Variants in UTP20 observed in about 807,000 individuals in gnomAD.
The protein encoded by UTP20 is small subunit processome component 20 homolog.
Under a neutral mutation model 329.5 loss-of-function variants are expected in UTP20, and 164 were observed. That is an observed-to-expected ratio of 0.50 (90% confidence interval 0.44 to 0.57). UTP20 has a LOEUF of 0.57. UTP20 is among the 20% of genes least tolerant of loss of function. UTP20 has a pLI of 0.00. For missense variants in UTP20, 3,055 were observed against 3,284.2 expected, an observed-to-expected ratio of 0.93 and a Z score of 1.71; for synonymous variants, 1,151 against 1,159.3, an observed-to-expected ratio of 0.99 and a Z score of 0.14.
chr12:101,385,900 T>C, intron 61 of UTP20, 68 bp from the exon 62 acceptor site: 1 of 1,460,286 alleles, frequency 6.8e-7, no homozygotes. Flanking sequence ...CATTTATTTC[T>C]GTATTTGATT....
Position 101,299,755 on chromosome 12 carries a change from T to A in UTP20, c.1504T>A (p.Ser502Thr). 1 of 1,613,498 alleles carries A rather than the reference T, an allele frequency of 6.2e-7. No homozygotes were observed. Among genetic ancestry groups the A allele is most frequent in the African/African-American group, 1.3e-5 (1 of 75,022 alleles). Residue 502 changes from serine to threonine, a missense_variant, in exon 13 of 62, where the codon TCT (serine) becomes ACT (threonine). Physicochemically the swap from Ser to Thr is moderately conservative, Grantham distance 58. Coordinates refer to ENST00000261637, the MANE Select transcript of UTP20 (RefSeq NM_014503.3). Reference protein sequence around the residue: ...EQFPVLDHLLSIIKLPPNKDT... With the variant: ...EQFPVLDHLLTIIKLPPNKDT... ...GTTTCCAGTATTGGACCATCTTTTA[T>A]CTATAATTAAGTTACCCCCAAATAA...
intron 44 of UTP20, among the ~76,000 whole-genome samples, chr12:101,363,307 T>C (rs1869987734): frequency 6.6e-6 from 1 of 152,224 alleles, no homozygotes; most frequent in African/African-American, 2.4e-5. Flanking sequence ...AGTCATACAA[T>C]TATATATGTA....
intron 15 of UTP20, 37 bp from the exon 16 acceptor site, chr12:101,305,869 CTGGGTTATA>C (rs1872631422): frequency 2.0e-6 from 3 of 1,484,040 alleles, no homozygotes; most frequent in South Asian, 2.8e-5. Context: ...TCTAGATACT[CTGGGTTATA>C]TGGTACAGTT....
At chr12:101,368,874 C>T (rs573086538) in intron 48 of UTP20, among the ~76,000 whole-genome samples, 4 of 152,142 alleles carry the variant, frequency 2.6e-5, no homozygotes, top group South Asian at 2.1e-4. Context: ...AAGGTCTTTC[C>T]GACTCCCAAG....
Position 101,306,689 on chromosome 12 carries a change from C to T in UTP20, c.1933-10C>T, listed in dbSNP as rs1444625604. 6.3e-7 allele frequency: 1 copy of T among 1,597,498 alleles called. No homozygotes were observed. Among genetic ancestry groups the T allele is most frequent in the Non-Finnish European group, 8.5e-7 (1 of 1,172,536 alleles). On this transcript the variant is annotated splice_polypyrimidine_tract_variant and intron_variant, in intron 16 of 61. Transcript: ENST00000261637. ...TTTGGAATTTGAAAGATGCCTTTTACTTTCTCCAGATTCGGCTTTTGACAA... is the reference window on the plus strand; with the variant it reads ...TTTGGAATTTGAAAGATGCCTTTTATTTTCTCCAGATTCGGCTTTTGACAA...
rs148762467 is a variant in UTP20 at position 101,327,521 on chromosome 12, G to A, written c.3208+274G>A. Among the ~76,000 whole-genome samples, 69 of 152,238 alleles carry A rather than the reference G, an allele frequency of 4.5e-4. 1 individual carries two copies. Among genetic ancestry groups the A allele is most frequent in the African/African-American group, 1.7e-3 (69 of 41,544 alleles). On this transcript the variant is annotated intron_variant, in intron 26 of 61. Coordinates refer to ENST00000261637, the MANE Select transcript of UTP20 (RefSeq NM_014503.3). The stretch of plus-strand genomic sequence containing the variant: ...GCATATTTAGGCCATTTGAAAAATG[G>A]TTATTACTTACCCATATAATACAAA...
Position 101,295,651 on chromosome 12 carries a change from ATGG to A in UTP20, c.1427_1429del (p.Val476del), listed in dbSNP as rs780531646. 10 of 1,601,994 alleles carry A rather than the reference ATGG, an allele frequency of 6.2e-6. No homozygotes were observed. Among genetic ancestry groups the A allele is most frequent in the Non-Finnish European group, 6.8e-6 (8 of 1,172,096 alleles). On this transcript the variant is annotated inframe_deletion, in exon 12 of 62. Coordinates refer to ENST00000261637, the MANE Select transcript of UTP20 (RefSeq NM_014503.3). ...GTACCCTCTGGTTTTCTCACCGCAG[ATGG>A]TGGGGTGAGTTCTAACTTTTTATTC...
chr12:101,344,571 C>T (rs745380225), intron 35 of UTP20, 24 bp from the exon 36 acceptor site: 1 of 893,568 alleles, frequency 1.1e-6, no homozygotes, highest in East Asian at 2.4e-5. Flanking sequence ...AGAATAATTT[C>T]TTTTTTATTT....
At chr12:101,297,961 A>AC in intron 12 of UTP20, among the ~76,000 whole-genome samples, 1 of 152,136 alleles carries the variant, frequency 6.6e-6, no homozygotes, top group East Asian at 1.9e-4. Context: ...CCCCTCTGCC[A>AC]CCCCCAACGG....
chr12:101,336,019 C>T (rs547436329), intron 29 of UTP20, among the ~76,000 whole-genome samples: 3 of 152,268 alleles, frequency 2.0e-5, no homozygotes, highest in East Asian at 1.9e-4. Flanking sequence ...TCATTGGGTC[C>T]TTATTGAAGG....
At position 101,338,848 on chromosome 12, in the gene UTP20, C is replaced by T; in HGVS notation, c.3904C>T (p.His1302Tyr). Residue 1302 changes from histidine (H) to tyrosine (Y), a missense_variant, in exon 31 of 62, where the codon CAT (histidine) becomes TAT (tyrosine). This residue lies in a region of UTP20 where 2,445 missense variants were observed against 2,575.5 expected (regional missense o/e 0.95). Coordinates refer to ENST00000261637, the MANE Select transcript of UTP20 (RefSeq NM_014503.3). ...AATAGGAGGAAGATTAATTCTACCT[C>T]ATGTACCTGCAATTCTTCAGTATCT... Reference protein sequence around the residue: ...ITIGGRLILPHVPAILQYLSK... With the variant: ...ITIGGRLILPYVPAILQYLSK... The T allele has an allele frequency of 6.2e-7, 1 of 1,611,250 alleles. No individual in the cohort carries two copies. The highest frequency in any genetic ancestry group is 8.5e-7 in the Non-Finnish European group (1 of 1,179,268).
intron 37 of UTP20, 138 bp from the exon 38 acceptor site, chr12:101,346,313 G>T: frequency 1.0e-6 from 1 of 990,912 alleles, no homozygotes. Context: ...GGCCTCCCGA[G>T]TGCTAGGATT....
Position 101,327,171 on chromosome 12 carries a change from C to G in UTP20, c.3132C>G (p.Phe1044Leu). Residue 1044 changes from phenylalanine to leucine, a missense_variant, in exon 26 of 62, where the codon TTC becomes TTG. Coordinates refer to ENST00000261637, the MANE Select transcript of UTP20 (RefSeq NM_014503.3). ...SGTRMAIVLR[F>L]LAGTQPEEIQ... is the part of the protein sequence containing the mutation. Reference sequence around the variant, plus strand: ...CCCGCATGGCCATTGTCCTGCGGTTCCTGGCCGGGACCCAACCTGAGGAGA... The same window carrying G: ...CCCGCATGGCCATTGTCCTGCGGTTGCTGGCCGGGACCCAACCTGAGGAGA... The G allele has an allele frequency of 6.2e-7, 1 of 1,613,124 alleles. No homozygotes were observed. The highest frequency in any genetic ancestry group is 1.1e-5 in the South Asian group (1 of 91,032).
At chr12:101,286,029 AC>A in intron 4 of UTP20, 148 bp downstream of exon 4, 1 of 1,173,342 alleles carries the variant, frequency 8.5e-7, no homozygotes, top group Non-Finnish European at 1.2e-6. Flanking sequence ...TAAGTGCATT[AC>A]CATAAAGTGG....
At position 101,356,867 on chromosome 12, in the gene UTP20, T is replaced by G. The variant is rs1437090312; in HGVS notation, c.5535-59T>G. 4 of 1,546,714 alleles carry G rather than the reference T, an allele frequency of 2.6e-6. No homozygotes were observed. In the Admixed American group the frequency reaches 7.7e-5, roughly 30 times the overall value. On this transcript the variant is annotated intron_variant, in intron 42 of 61. Transcript: ENST00000261637. ...AGTAATTAAGAGACTAAAGGATATG[T>G]GTATGTTTAATTGCTTCTGTTTATT...
chr12:101,360,820 C>T lies in UTP20; in HGVS notation c.5692-1142C>T, dbSNP rs543070607. On this transcript the variant is annotated intron_variant, in intron 43 of 61. Coordinates refer to ENST00000261637, the MANE Select transcript of UTP20 (RefSeq NM_014503.3). ...CTCCAGCCTGGGTGACAGAGCAAGACTCTGCCTCCAAAAAAATAAAAGACC... is the reference window on the plus strand; with the variant it reads ...CTCCAGCCTGGGTGACAGAGCAAGATTCTGCCTCCAAAAAAATAAAAGACC... 5.9e-5 allele frequency among the ~76,000 whole-genome samples: 9 copies of T among 152,238 alleles called. No homozygotes were observed. The South Asian group carries it at 1.9e-3, about 32-fold the overall frequency.
At chr12:101,378,823 A>T (rs898685173) in intron 56 of UTP20, among the ~76,000 whole-genome samples, 3 of 152,062 alleles carry the variant, frequency 2.0e-5, no homozygotes, top group Non-Finnish European at 4.4e-5. Flanking sequence ...GGCTGTTTAT[A>T]CCCCATTAGA....
intron 38 of UTP20, 63 bp from the exon 39 acceptor site, chr12:101,351,992 G>A (rs1161409695): frequency 6.3e-7 from 1 of 1,581,844 alleles, no homozygotes; most frequent in African/African-American, 1.4e-5. Flanking sequence ...AATATACTGA[G>A]TTAGCCTTGC....
At chr12:101,348,863 A>G (rs1256377169) in intron 38 of UTP20, among the ~76,000 whole-genome samples, 1 of 150,374 alleles carries the variant, frequency 6.7e-6, no homozygotes, top group African/African-American at 2.4e-5. Flanking sequence ...GGCATGAGCC[A>G]CTGTGCCTGG....
Sources: allele counts gnomAD v4.1 joint callset (sites outside exome capture counted in the v4.1 genomes callset), GRCh38; gene constraint gnomAD v4.1.1; regional missense constraint gnomAD v4.1.1; transcripts MANE v1.5; gene names NCBI Gene and HGNC (gene_info 2026-07-23, HGNC 2026-07-21).